RAB33B: variants seen among roughly 807,000 people sequenced by gnomAD.
RAB33B encodes the protein RAB33B, member RAS oncogene family.
In RAB33B, 6 loss-of-function variants were observed where a neutral mutation model predicts 15.0. That is an observed-to-expected ratio of 0.40 (90% CI 0.22 to 0.79). RAB33B has a LOEUF of 0.79. Ranked by LOEUF, RAB33B falls within the 30% of genes least tolerant of loss-of-function variation. The probability of loss-of-function intolerance (pLI) is 0.37; values close to 1 mark genes in which losing one functional copy is unlikely to be tolerated. For synonymous variants in RAB33B, 117 were observed against 108.3 expected (o/e 1.08, Z -0.50); for missense variants, 257 against 296.4 (o/e 0.87, Z 0.98).
At position 139,471,895 on chromosome 4, in the gene RAB33B, G is replaced by A. The variant is rs559907987; in HGVS notation, c.250-791G>A. Among the ~76,000 whole-genome samples, 3 of 152,226 alleles carry A rather than the reference G, an allele frequency of 2.0e-5. No individual in the cohort carries two copies. In the East Asian group the frequency reaches 5.8e-4, roughly 29 times the overall value. On this transcript the variant is annotated intron_variant, in intron 1 of 1. Coordinates refer to ENST00000305626, the MANE Select transcript of RAB33B (RefSeq NM_031296.3). Reference sequence around the variant, plus strand: ...CATTTTGAGTAAGTTTTTATATATGGTGTGAGATAGGGATCCAGCCTCATT... The same window carrying A: ...CATTTTGAGTAAGTTTTTATATATGATGTGAGATAGGGATCCAGCCTCATT...
At chr4:139,442,945 A>G in the RAB33B span, among the ~76,000 whole-genome samples, 1 of 152,030 alleles carries the variant, frequency 6.6e-6, no homozygotes, top group Non-Finnish European at 1.5e-5. Context: ...TTAGACCCCA[A>G]AATGCTAAGG....
chr4:139,454,380 C>T lies in RAB33B; in HGVS notation c.185C>T (p.Thr62Ile). 5 of 1,613,704 alleles carry T rather than the reference C, an allele frequency of 3.1e-6. No individual in the cohort carries two copies. Among genetic ancestry groups the T allele is most frequent in the Non-Finnish European group, 4.2e-6 (5 of 1,180,008 alleles). The change falls in exon 1 of 2, where the codon ACC (threonine) becomes ATC (isoleucine). Residue 62 changes from threonine (T) to isoleucine (I), a missense_variant. Physicochemically the swap from Thr to Ile is moderately conservative, Grantham distance 89. Coordinates refer to ENST00000305626, the MANE Select transcript of RAB33B (RefSeq NM_031296.3). ...TGCGCTGGCCGCTTCCCCGACCGCA[C>T]CGAGGCCACGATAGGGGTGGATTTC... ...RFCAGRFPDR[T>I]EATIGVDFRE...
rs1174581450 is a variant in RAB33B at position 139,476,313 on chromosome 4, C to T, written c.*3187C>T. The stretch of plus-strand genomic sequence containing the variant: ...CGTCTCAGGTATAAGATTGCAGTTA[C>T]TGATTTAGACACCATAGGATTAGGG... On this transcript the variant is annotated 3_prime_UTR_variant, in exon 2 of 2. Transcript: ENST00000305626. 6.6e-6 allele frequency: 1 copy of T among 152,184 alleles called. No individual in the cohort carries two copies. The highest frequency in any genetic ancestry group is 1.9e-4 in the East Asian group (1 of 5,200). The allele number at this position is 152,184 out of a possible 1,614,324, so 9.4% of individuals were successfully genotyped here. A position where few individuals can be genotyped will look rare whatever the true frequency, so the allele number is the denominator to read the frequency against.
Position 139,460,299 on chromosome 4 carries a change from G to A in RAB33B, c.249+5855G>A, listed in dbSNP as rs112172353. 3.7e-3 allele frequency among the ~76,000 whole-genome samples: 565 copies of A among 152,268 alleles called. 3 individuals are homozygous for A. The highest frequency in any genetic ancestry group is 0.013 in the African/African-American group (527 of 41,542). On this transcript the variant is annotated intron_variant, in intron 1 of 1. Coordinates refer to ENST00000305626, the MANE Select transcript of RAB33B (RefSeq NM_031296.3). ...ATACTGATTGGCAGCTACAAATACCGGATTGGCACACAGGAGAAATAATTA... is the reference window on the plus strand; with the variant it reads ...ATACTGATTGGCAGCTACAAATACCAGATTGGCACACAGGAGAAATAATTA...
upstream of RAB33B, chr4:139,451,256 A>G: frequency 6.6e-6 from 1 of 152,220 alleles, no homozygotes; most frequent in Non-Finnish European, 1.5e-5. Flanking sequence ...GCTGGAGTGC[A>G]GCAGTGCAAC....
the RAB33B span, among the ~76,000 whole-genome samples, chr4:139,439,695 G>A: frequency 1.3e-5 from 2 of 152,074 alleles, no homozygotes; most frequent in Non-Finnish European, 2.9e-5. Context: ...AGGTTCCTTA[G>A]ACTGCTTTCA....
intron 1 of RAB33B, among the ~76,000 whole-genome samples, chr4:139,456,085 G>A (rs1341631627): frequency 6.6e-6 from 1 of 152,224 alleles, no homozygotes; most frequent in Non-Finnish European, 1.5e-5. Flanking sequence ...TCAGGCTGCT[G>A]TGAGGATCAG....
chr4:139,447,658 CTTTTTTTTTTTT>C, the RAB33B span, among the ~76,000 whole-genome samples: 12 of 85,698 alleles, frequency 1.4e-4, no homozygotes, highest in African/African-American at 2.4e-4. Flanking sequence ...CAGTCTACTA[CTTTTTTTTTTTT>C]TTTTTTTTTT....
At chr4:139,463,258 A>G (rs1750207941) in intron 1 of RAB33B, among the ~76,000 whole-genome samples, 1 of 152,194 alleles carries the variant, frequency 6.6e-6, no homozygotes. Flanking sequence ...TCTGCCTCCC[A>G]GGTTCAAGCC....
chr4:139,456,245 A>G (rs1310518567), intron 1 of RAB33B, among the ~76,000 whole-genome samples: 1 of 151,868 alleles, frequency 6.6e-6, no homozygotes. Flanking sequence ...AGTGGAGGGC[A>G]TAGGTAGACA....
rs990248078 is a variant in RAB33B at position 139,476,471 on chromosome 4, G to A, written c.*3345G>A. ...TTCTTAATCAGATATTAAGAAGTTC[G>A]TCATGTATTTTGGGAGCACGTTTGC... On this transcript the variant is annotated 3_prime_UTR_variant, in exon 2 of 2. Coordinates refer to ENST00000305626, the MANE Select transcript of RAB33B (RefSeq NM_031296.3). 1.7e-4 allele frequency: 26 copies of A among 152,148 alleles called. No individual in the cohort carries two copies. Among genetic ancestry groups the A allele is most frequent in the African/African-American group, 5.3e-4 (22 of 41,418 alleles). The allele number at this position is 152,148 out of a possible 1,614,324, so 9.4% of individuals were successfully genotyped here. A position where few individuals can be genotyped will look rare whatever the true frequency, so the allele number is the denominator to read the frequency against.
chr4:139,452,773 T>G (rs536094352), upstream of RAB33B: 12 of 152,352 alleles, frequency 7.9e-5, no homozygotes, highest in African/African-American at 2.9e-4. Context: ...TCATCTGTTC[T>G]GACTATATTT....
intron 1 of RAB33B, among the ~76,000 whole-genome samples, chr4:139,471,954 G>A (rs1750400726): frequency 6.6e-6 from 1 of 152,128 alleles, no homozygotes; most frequent in African/African-American, 2.4e-5. Flanking sequence ...TTATTGAAAT[G>A]ACTAATCTTT....
At chr4:139,460,617 G>T (rs1417520736) in intron 1 of RAB33B, among the ~76,000 whole-genome samples, 1 of 152,166 alleles carries the variant, frequency 6.6e-6, no homozygotes, top group African/African-American at 2.4e-5. Flanking sequence ...TGGTATTGGT[G>T]GTTGGAGAGA....
the RAB33B span, among the ~76,000 whole-genome samples, chr4:139,445,641 C>T: frequency 1.3e-5 from 2 of 152,162 alleles, no homozygotes; most frequent in African/African-American, 2.4e-5. Flanking sequence ...TTCCTCATTT[C>T]GGTGTGTTAC....
Position 139,458,406 on chromosome 4 carries a change from A to G in RAB33B, c.249+3962A>G, listed in dbSNP as rs374467742. ...GTCACCCACATATTTTGTCACCCAC[A>G]TATTAAGCATAGTACCCAATAGGTA... On this transcript the variant is annotated intron_variant, in intron 1 of 1. Transcript: ENST00000305626. Among the ~76,000 whole-genome samples, 46 of 152,276 alleles carry G rather than the reference A, an allele frequency of 3.0e-4. No individual in the cohort carries two copies. The South Asian group carries it at 8.1e-3, about 27-fold the overall frequency.
At chr4:139,459,459 T>C (rs922821841) in intron 1 of RAB33B, among the ~76,000 whole-genome samples, 1 of 151,966 alleles carries the variant, frequency 6.6e-6, no homozygotes, top group Non-Finnish European at 1.5e-5. Flanking sequence ...AAGAGTCTCC[T>C]CACACCTCCA....
intron 1 of RAB33B, among the ~76,000 whole-genome samples, chr4:139,466,896 T>G (rs934352441): frequency 1.3e-5 from 2 of 151,636 alleles, no homozygotes; most frequent in African/African-American, 4.8e-5. Flanking sequence ...ATATTTTATT[T>G]GCAGATATTT....
chr4:139,444,376 T>C, the RAB33B span, among the ~76,000 whole-genome samples: 2 of 152,162 alleles, frequency 1.3e-5, no homozygotes, highest in African/African-American at 4.8e-5. Context: ...TTAGCCACTT[T>C]AGACCTACTC....
Sources: allele counts gnomAD v4.1 joint callset (sites outside exome capture counted in the v4.1 genomes callset), GRCh38; gene constraint gnomAD v4.1.1; transcripts MANE v1.5; gene names NCBI Gene and HGNC (gene_info 2026-07-23, HGNC 2026-07-21).